Variants in MAP4K4 observed in about 807,000 individuals in gnomAD.
MAP4K4 encodes the protein HPK/GCK-like kinase HGK.
MAP4K4 carries 38 observed loss-of-function variants against 189.6 expected under a neutral mutation model. The observed-to-expected ratio is 0.20, with a 90% confidence interval of 0.15 to 0.26. MAP4K4 has a LOEUF of 0.26. MAP4K4 is among the 10% of genes least tolerant of loss of function. The pLI is 1.00. For missense variants in MAP4K4, 1,054 were observed against 1,726.9 expected (o/e 0.61, Z 6.91); for synonymous variants, 610 against 624.3 (o/e 0.98, Z 0.34).
intron 10 of MAP4K4, among the ~76,000 whole-genome samples, chr2:101,841,532 G>A (rs183502967): frequency 4.6e-5 from 7 of 151,734 alleles, no homozygotes; most frequent in South Asian, 4.2e-4. Flanking sequence ...ACAGTGGTGC[G>A]TTCTTGGCTC....
intron 3 of MAP4K4, among the ~76,000 whole-genome samples, chr2:101,810,972 G>A (rs1406654578): frequency 2.0e-5 from 3 of 152,192 alleles, no homozygotes; most frequent in East Asian, 3.8e-4. Context: ...AGATTCTGAT[G>A]TGAGGCTGCC....
At chr2:101,771,012 T>C (rs1307569290) in intron 2 of MAP4K4, among the ~76,000 whole-genome samples, 1 of 152,220 alleles carries the variant, frequency 6.6e-6, no homozygotes, top group Non-Finnish European at 1.5e-5. Context: ...TGGATCCCAC[T>C]TAACAGCCTC....
intron 2 of MAP4K4, among the ~76,000 whole-genome samples, chr2:101,720,304 G>T (rs1346217364): frequency 6.6e-6 from 1 of 150,984 alleles, no homozygotes; most frequent in African/African-American, 2.4e-5. Context: ...TTCCTGAGTC[G>T]CCAGGATTAC....
chr2:101,834,501 A>T, intron 8 of MAP4K4, 38 bp downstream of exon 8: 1 of 1,542,188 alleles, frequency 6.5e-7, no homozygotes, highest in Non-Finnish European at 8.9e-7. Context: ...CACTTGTTAC[A>T]TGTGACTTAA....
intron 1 of MAP4K4, 24 bp downstream of exon 1, chr2:101,698,161 C>T: frequency 9.0e-7 from 1 of 1,111,794 alleles, no homozygotes. Context: ...CGAGCGGGCG[C>T]GCGGGGAGCG....
chr2:101,887,798 C>G (rs1241156940), exon 31 of MAP4K4: 1 of 1,611,490 alleles, frequency 6.2e-7, no homozygotes, highest in Non-Finnish European at 8.5e-7. Flanking sequence ...GCATCAAACC[C>G]CATGCAATCA....
chr2:101,878,683 T>C (rs1175807087), intron 27 of MAP4K4, among the ~76,000 whole-genome samples: 1 of 152,196 alleles, frequency 6.6e-6, no homozygotes. Flanking sequence ...GTGTTATTCC[T>C]TGGTCAGATG....
In MAP4K4 at chr2:101,824,261, G is replaced by A. The variant is rs7601576; in HGVS notation, c.306+208G>A. ...TATTTTGATGTCGATTTCACATTGC[G>A]TGGAAAAAAGTTAACTTTGTGTTTC... On this transcript the variant is annotated intron_variant, in intron 4 of 32. Coordinates refer to ENST00000324219, the Ensembl canonical transcript of MAP4K4. 0.92 allele frequency among the ~76,000 whole-genome samples: 140,717 copies of A among 152,286 alleles called. 65,173 individuals are homozygous for A. The highest frequency in any genetic ancestry group is 1 in the East Asian group (5,176 of 5,178).
intron 2 of MAP4K4, among the ~76,000 whole-genome samples, chr2:101,745,699 G>C (rs1205649021): frequency 6.6e-6 from 1 of 152,148 alleles, no homozygotes; most frequent in African/African-American, 2.4e-5. Context: ...AAGCCGTTAA[G>C]TGCCTAGCTG....
At chr2:101,863,766 A>C in intron 16 of MAP4K4, 55 bp from the exon 17 acceptor site, 2 of 1,250,892 alleles carry the variant, frequency 1.6e-6, no homozygotes, top group East Asian at 9.3e-5. Flanking sequence ...ATTGACCAGA[A>C]AAGCCAGTTT....
chr2:101,865,125 C>G (rs2097775172), intron 18 of MAP4K4, 89 bp downstream of exon 18: 2 of 785,202 alleles, frequency 2.5e-6, no homozygotes, highest in East Asian at 2.8e-5. Context: ...CTCTTAAACA[C>G]AGACGTTCTG....
chr2:101,699,246 C>CT (rs945575263), intron 2 of MAP4K4, among the ~76,000 whole-genome samples: 10 of 152,158 alleles, frequency 6.6e-5, no homozygotes, highest in Non-Finnish European at 1.3e-4. Flanking sequence ...AGGTCTTTCT[C>CT]TTTTTTCAAA....
chr2:101,716,793 T>C (rs1474974583), intron 2 of MAP4K4, among the ~76,000 whole-genome samples: 1 of 152,176 alleles, frequency 6.6e-6, no homozygotes, highest in Non-Finnish European at 1.5e-5. Flanking sequence ...GGGGGCTGCA[T>C]GGTGTGACTT....
chr2:101,743,903 C>T (rs1374545385), intron 2 of MAP4K4, among the ~76,000 whole-genome samples: 3 of 152,152 alleles, frequency 2.0e-5, no homozygotes, highest in African/African-American at 7.2e-5. Flanking sequence ...GGTGATCCGC[C>T]CTCCTTGGTC....
chr2:101,772,072 G>A (rs1237987521), intron 2 of MAP4K4, among the ~76,000 whole-genome samples: 1 of 152,212 alleles, frequency 6.6e-6, no homozygotes, highest in Non-Finnish European at 1.5e-5. Flanking sequence ...TGATTGTTCT[G>A]CCAGGGTTCA....
intron 12 of MAP4K4, among the ~76,000 whole-genome samples, chr2:101,852,728 C>T (rs1010568224): frequency 3.3e-5 from 5 of 152,170 alleles, no homozygotes; most frequent in African/African-American, 1.2e-4. Context: ...AGTATGCACA[C>T]GTGTGAACAT....
At chr2:101,779,608 CAA>C (rs1464659802) in intron 2 of MAP4K4, among the ~76,000 whole-genome samples, 1 of 151,826 alleles carries the variant, frequency 6.6e-6, no homozygotes, top group Non-Finnish European at 1.5e-5. Flanking sequence ...CATGCCGAGA[CAA>C]GAGCTCTTTC....
chr2:101,813,038 A>G (rs1197171522), intron 3 of MAP4K4, among the ~76,000 whole-genome samples: 1 of 152,156 alleles, frequency 6.6e-6, no homozygotes, highest in Non-Finnish European at 1.5e-5. Flanking sequence ...CTGAGGCAGG[A>G]GAATGGCGTG....
At chr2:101,838,431 C>G (rs1045565638) in intron 9 of MAP4K4, among the ~76,000 whole-genome samples, 1 of 152,202 alleles carries the variant, frequency 6.6e-6, no homozygotes, top group Non-Finnish European at 1.5e-5. Context: ...CTGACCCTAA[C>G]CTATTTTTCC....
Sources: gnomAD v4.1 joint callset for allele counts (sites outside exome capture counted in the v4.1 genomes callset) on GRCh38, gnomAD v4.1.1 for gene constraint, MANE v1.5 for transcripts, NCBI Gene and HGNC (gene_info 2026-07-23, HGNC 2026-07-21) for gene names.